Variants in TBC1D15 observed in about 807,000 individuals in gnomAD.
The protein encoded by TBC1D15 is GAP for RAB7.
TBC1D15 carries 39 observed loss-of-function variants against 95.4 expected under a neutral mutation model. That is an observed-to-expected ratio of 0.41 (90% CI 0.32 to 0.53). TBC1D15 has a LOEUF of 0.53. TBC1D15 is among the 20% of genes least tolerant of loss of function. The probability of loss-of-function intolerance (pLI) is 0.29; values close to 1 mark genes in which losing one functional copy is unlikely to be tolerated. For missense variants in TBC1D15, 733 were observed against 794.3 expected, an observed-to-expected ratio of 0.92 and a Z score of 0.93; for synonymous variants, 258 against 261.3, an observed-to-expected ratio of 0.99 and a Z score of 0.12.
intron 10 of TBC1D15, among the ~76,000 whole-genome samples, chr12:71,906,659 T>C (rs1388385685): frequency 6.6e-6 from 1 of 151,742 alleles, no homozygotes; most frequent in Admixed American, 6.6e-5. Flanking sequence ...AGTTTTCAAG[T>C]ACTGGTATCT....
intron 3 of TBC1D15, among the ~76,000 whole-genome samples, chr12:71,876,248 G>GT (rs907323804): frequency 6.6e-6 from 1 of 151,988 alleles, no homozygotes; most frequent in African/African-American, 2.4e-5. Flanking sequence ...CCTTGTAGCT[G>GT]TTTTTTTGAT....
intron 11 of TBC1D15, among the ~76,000 whole-genome samples, chr12:71,910,239 G>C (rs1005291861): frequency 2.6e-5 from 4 of 152,008 alleles, no homozygotes; most frequent in Admixed American, 2.6e-4. Context: ...TTTGGTACCA[G>C]TACCATGCTG....
chr12:71,851,930 C>T (rs964837307), intron 1 of TBC1D15, among the ~76,000 whole-genome samples: 3 of 152,204 alleles, frequency 2.0e-5, no homozygotes, highest in African/African-American at 7.2e-5. Flanking sequence ...GCCCTCTTCT[C>T]ACAGCTCCAC....
At chr12:71,917,925 A>G (rs1904090090) in intron 13 of TBC1D15, 128 bp downstream of exon 13, 7 of 576,096 alleles carry the variant, frequency 1.2e-5, no homozygotes, top group African/African-American at 3.8e-5. Flanking sequence ...TTGGAAGCCA[A>G]GGAGGGAGGA....
At chr12:71,901,933 G>C (rs1899482871) in intron 10 of TBC1D15, among the ~76,000 whole-genome samples, 1 of 151,992 alleles carries the variant, frequency 6.6e-6, no homozygotes, top group Admixed American at 6.6e-5. Context: ...AGTAGCATTG[G>C]TATACACCAA....
intron 5 of TBC1D15, among the ~76,000 whole-genome samples, chr12:71,889,777 C>G (rs932758533): frequency 4.6e-5 from 7 of 152,088 alleles, no homozygotes; most frequent in Non-Finnish European, 1.0e-4. Flanking sequence ...TTTTTCTGAT[C>G]CTCTCCCTCC....
At chr12:71,847,667 C>T (rs1886664718) in intron 1 of TBC1D15, among the ~76,000 whole-genome samples, 1 of 151,562 alleles carries the variant, frequency 6.6e-6, no homozygotes, top group Non-Finnish European at 1.5e-5. Context: ...TGCTCTCCAG[C>T]CTGGGTGACA....
At chr12:71,921,956 C>T (rs534733384) in intron 16 of TBC1D15, among the ~76,000 whole-genome samples, 1 of 152,152 alleles carries the variant, frequency 6.6e-6, no homozygotes, top group South Asian at 2.1e-4. Context: ...CTTTTTCTTT[C>T]TATTAAGAGA....
chr12:71,893,376 C>A lies in TBC1D15; in HGVS notation c.657+52C>A, dbSNP rs561768184. On this transcript the variant is annotated intron_variant, in intron 6 of 16. Transcript: ENST00000485960. ...TATTCTGACTGCATTATTTTATATACCCTGTACTTCTCATCTTCTCAGAGA... is the reference window on the plus strand; with the variant it reads ...TATTCTGACTGCATTATTTTATATAACCTGTACTTCTCATCTTCTCAGAGA... 34 of 1,290,776 alleles carry A rather than the reference C, an allele frequency of 2.6e-5. No homozygotes were observed. The East Asian group carries it at 5.5e-4, about 21-fold the overall frequency. 80.0% of individuals were successfully genotyped at this position (1,290,776 alleles called of 1,614,324 possible). A position where few individuals can be genotyped will look rare whatever the true frequency, so the allele number is the denominator to read the frequency against.
chr12:71,884,691 A>T (rs1369258190), intron 4 of TBC1D15, 120 bp from the exon 5 acceptor site: 1 of 748,800 alleles, frequency 1.3e-6, no homozygotes, highest in Admixed American at 2.7e-5. Flanking sequence ...CCATAATAAT[A>T]TAAGTGCTAT....
intron 1 of TBC1D15, chr12:71,854,423 T>C: frequency 2.6e-6 from 1 of 388,630 alleles, no homozygotes; most frequent in Non-Finnish European, 5.0e-6. Context: ...TCCCCTTCAA[T>C]CGTAGGCTGA....
intron 6 of TBC1D15, chr12:71,894,251 A>G (rs1047072591): frequency 1.8e-5 from 23 of 1,250,292 alleles, no homozygotes; most frequent in Non-Finnish European, 2.2e-5. Context: ...GAGTTTTTAA[A>G]TTTAGCCATC....
At chr12:71,859,358 A>C (rs1418090011) in intron 1 of TBC1D15, among the ~76,000 whole-genome samples, 2 of 151,608 alleles carry the variant, frequency 1.3e-5, no homozygotes, top group Non-Finnish European at 2.9e-5. Context: ...CCCTTGTTGG[A>C]TGTATAGTTT....
At chr12:71,878,981 A>G (rs2138434898) in intron 3 of TBC1D15, among the ~76,000 whole-genome samples, 1 of 152,152 alleles carries the variant, frequency 6.6e-6, no homozygotes, top group African/African-American at 2.4e-5. Context: ...GTGCCTTTAT[A>G]GTTTCTTTTC....
Position 71,893,375 on chromosome 12 carries a change from A to G in TBC1D15, c.657+51A>G, listed in dbSNP as rs1430529718. 4.6e-6 allele frequency: 6 copies of G among 1,315,464 alleles called. No homozygotes were observed. The African/African-American group carries it at 8.8e-5, about 19-fold the overall frequency. 81.5% of individuals were successfully genotyped at this position (1,315,464 alleles called of 1,614,324 possible). A position where few individuals can be genotyped will look rare whatever the true frequency, so the allele number is the denominator to read the frequency against. On this transcript the variant is annotated intron_variant, in intron 6 of 16. Coordinates refer to ENST00000485960, the MANE Select transcript of TBC1D15 (RefSeq NM_001146213.3). ...TTATTCTGACTGCATTATTTTATAT[A>G]CCCTGTACTTCTCATCTTCTCAGAG... is the stretch of plus-strand genomic sequence containing the variant.
intron 4 of TBC1D15, among the ~76,000 whole-genome samples, chr12:71,882,288 C>A (rs559564973): frequency 6.6e-6 from 1 of 152,234 alleles, no homozygotes; most frequent in South Asian, 2.1e-4. Context: ...ATATACCAGA[C>A]AAGTTAAATG....
intron 1 of TBC1D15, among the ~76,000 whole-genome samples, chr12:71,840,528 G>A (rs1884702852): frequency 6.6e-6 from 1 of 152,192 alleles, no homozygotes; most frequent in Non-Finnish European, 1.5e-5. Flanking sequence ...TACGTGCGGA[G>A]ATTTCGTCGA....
Position 71,923,073 on chromosome 12 carries a change from G to A in TBC1D15, c.1894G>A (p.Val632Ile), listed in dbSNP as rs544514246. Residue 632 changes from valine to isoleucine, a missense_variant, in exon 17 of 17, where the codon GTC becomes ATC. By Grantham distance (29) the Val-to-Ile change is conservative. Coordinates refer to ENST00000485960, the MANE Select transcript of TBC1D15 (RefSeq NM_001146213.3). Reference sequence around the variant, plus strand: ...AGACGTTGGTGAAGACGAAAATGTTGTCATGACTCCTTGTCCTACATCTGC... The same window carrying A: ...AGACGTTGGTGAAGACGAAAATGTTATCATGACTCCTTGTCCTACATCTGC... Reference protein sequence around the residue: ...DSDVGEDENVVMTPCPTSAFQ... With the variant: ...DSDVGEDENVIMTPCPTSAFQ... The A allele has an allele frequency of 2.0e-5, 32 of 1,614,176 alleles. No individual in the cohort carries two copies. In the East Asian group the frequency reaches 2.5e-4, roughly 12 times the overall value.
chr12:71,899,013 A>C (rs898034774), intron 10 of TBC1D15, among the ~76,000 whole-genome samples: 1 of 152,150 alleles, frequency 6.6e-6, no homozygotes, highest in African/African-American at 2.4e-5. Flanking sequence ...AAGCTTCTTG[A>C]TATTTTCAGT....
Sources: gnomAD v4.1 joint callset for allele counts (sites outside exome capture counted in the v4.1 genomes callset) on GRCh38, gnomAD v4.1.1 for gene constraint, MANE v1.5 for transcripts, NCBI Gene and HGNC (gene_info 2026-07-23, HGNC 2026-07-21) for gene names.